Variants in C7orf57 observed in about 807,000 individuals in gnomAD.
The protein encoded by C7orf57 is uncharacterized protein C7orf57.
In C7orf57, 33 loss-of-function variants were observed where a neutral mutation model predicts 39.0. The ratio of observed to expected loss-of-function variants is 0.85; its 90% CI spans 0.64 to 1.13. The LOEUF (loss-of-function observed/expected upper bound fraction) is 1.13. C7orf57 is among the 50% of genes most tolerant of loss of function. C7orf57 has a pLI of 0.00. For missense variants in C7orf57, 346 were observed against 362.3 expected (o/e 0.95, Z 0.37); for synonymous variants, 124 against 137.1 (o/e 0.90, Z 0.67).
chr7:48,055,244 C>T (rs1724140600), intron 8 of C7orf57, among the ~76,000 whole-genome samples: 2 of 152,146 alleles, frequency 1.3e-5, no homozygotes, highest in South Asian at 2.1e-4. Flanking sequence ...TTGTATTACT[C>T]GTCATGTGAG....
chr7:48,060,099 G>T (rs1254657026), intron 8 of C7orf57, 127 bp from the exon 9 acceptor site: 1 of 547,346 alleles, frequency 1.8e-6, no homozygotes, highest in Non-Finnish European at 3.1e-6. Context: ...CAATTTTTAT[G>T]TAGACTTCAG....
At chr7:48,051,817 C>CTCTTTCTTTCTTTCTTTCTTTCTTTCTT (rs199558027) in intron 6 of C7orf57, among the ~76,000 whole-genome samples, 1 of 51,150 alleles carries the variant, frequency 2.0e-5, no homozygotes, top group Non-Finnish European at 4.1e-5. Flanking sequence ...CTTTTCTCTT[C>CTCTTTCTTTCTTTCTTTCTTTCTTTCTT]TCTTTCTTTC....
chr7:48,046,571 A>G lies in C7orf57; in HGVS notation c.462A>G (p.Thr154=), dbSNP rs2128793740. ...RRGPFDFDMK[T]VWQREAEELE... is the part of the protein sequence containing the mutation. ...GGCCCTTCGACTTCGACATGAAAAC[A>G]GTTTGGCAAAGAGAGGCTGAGGAAC... Residue 154 remains threonine (T), a synonymous_variant, in exon 5 of 9, where the codon ACA becomes ACG. Transcript: ENST00000348904. The G allele has an allele frequency of 6.2e-7, 1 of 1,613,832 alleles. No homozygotes were observed. The highest frequency in any genetic ancestry group is 8.5e-7 in the Non-Finnish European group (1 of 1,179,786).
At chr7:48,052,171 A>T (rs1790972711) in intron 6 of C7orf57, among the ~76,000 whole-genome samples, 1 of 151,858 alleles carries the variant, frequency 6.6e-6, no homozygotes, top group African/African-American at 2.4e-5. Context: ...ACGGGGTTTC[A>T]CCAGGTTGAC....
chr7:48,044,508 C>T (rs1790657250), intron 4 of C7orf57, among the ~76,000 whole-genome samples: 1 of 152,130 alleles, frequency 6.6e-6, no homozygotes, highest in Non-Finnish European at 1.5e-5. Flanking sequence ...CTCTTTACTA[C>T]CTGATTGGTC....
At chr7:48,052,416 A>G (rs1790982343) in intron 6 of C7orf57, among the ~76,000 whole-genome samples, 1 of 152,160 alleles carries the variant, frequency 6.6e-6, no homozygotes, top group South Asian at 2.1e-4. Context: ...ACAAAGAAAG[A>G]TTTTGGAAGC....
chr7:48,042,258 G>A (rs1562623889), intron 3 of C7orf57, among the ~76,000 whole-genome samples: 1 of 152,230 alleles, frequency 6.6e-6, no homozygotes, highest in Non-Finnish European at 1.5e-5. Flanking sequence ...TGGACTAGGT[G>A]TGATGCTCAG....
Position 48,043,512 on chromosome 7 carries a change from GA to G in C7orf57, c.276del (p.Gly93AlafsTer60). 2 of 1,613,836 alleles carry G rather than the reference GA, an allele frequency of 1.2e-6. No homozygotes were observed. The highest frequency in any genetic ancestry group is 1.7e-6 in the Non-Finnish European group (2 of 1,179,852). ...LLKHFAPGTR[K>X]GSPVAYSLPD... Reference sequence around the variant, plus strand: ...TGAAGCACTTTGCCCCTGGAACCAGGAAAGGCTCTCCAGTGGCCTACTCCCT... The same window carrying G: ...TGAAGCACTTTGCCCCTGGAACCAGGAAGGCTCTCCAGTGGCCTACTCCCT... On this transcript the variant is annotated frameshift_variant, in exon 4 of 9. Coordinates refer to ENST00000348904, the MANE Select transcript of C7orf57 (RefSeq NM_001100159.3). LOFTEE classifies it high-confidence loss of function.
intron 8 of C7orf57, among the ~76,000 whole-genome samples, chr7:48,054,870 T>TGATG (rs1351146822): frequency 0.012 from 1,715 of 148,764 alleles, 22 homozygotes; most frequent in African/African-American, 0.037. Context: ...TGATGATGAT[T>TGATG]ATTATTATTA....
intron 1 of C7orf57, 37 bp from the exon 2 acceptor site, chr7:48,036,171 C>A: frequency 2.3e-6 from 2 of 860,954 alleles, no homozygotes; most frequent in Admixed American, 2.0e-5. Flanking sequence ...GGCGTACAGA[C>A]CGACCCAGAG....
chr7:48,038,395 G>T (rs13308766), intron 2 of C7orf57, among the ~76,000 whole-genome samples: 24 of 107,342 alleles, frequency 2.2e-4, no homozygotes, highest in African/African-American at 3.4e-4. Flanking sequence ...TAGATAGATA[G>T]ATAGATAGAT....
chr7:48,037,488 C>T (rs368861894), intron 2 of C7orf57, among the ~76,000 whole-genome samples: 269 of 152,236 alleles, frequency 1.8e-3, no homozygotes, highest in Non-Finnish European at 3.4e-3. Flanking sequence ...TGTGCCCCTG[C>T]GGGTATGTGA....
Position 48,060,415 on chromosome 7 carries a change from T to C in C7orf57, c.*143T>C. The stretch of plus-strand genomic sequence containing the variant: ...AATTTACCTTGCAGCAGATTTGACA[T>C]TGCTGCATAGAAGGGGCAGGTGTTG... On this transcript the variant is annotated 3_prime_UTR_variant, in exon 9 of 9. Coordinates refer to ENST00000348904, the MANE Select transcript of C7orf57 (RefSeq NM_001100159.3). The C allele has an allele frequency of 1.8e-6, 1 of 541,750 alleles. No homozygotes were observed. The highest frequency in any genetic ancestry group is 3.3e-6 in the Non-Finnish European group (1 of 306,072). The allele number at this position is 541,750 out of a possible 1,614,324, so 33.6% of individuals were successfully genotyped here.
chr7:48,043,891 CGGGCTGCTTCCAAGATGGTGGT>C (rs991677664), intron 4 of C7orf57, among the ~76,000 whole-genome samples: 1 of 151,810 alleles, frequency 6.6e-6, no homozygotes, highest in Non-Finnish European at 1.5e-5. Context: ...AAGATGGTGG[CGGGCTGCTTCCAAGATGGTGGT>C]GGGCTGCTCT....
intron 2 of C7orf57, 151 bp from the exon 3 acceptor site, chr7:48,041,183 C>A: frequency 1.7e-6 from 1 of 602,402 alleles, no homozygotes; most frequent in Non-Finnish European, 2.7e-6. Flanking sequence ...GTCAGTAACC[C>A]AAAAGAGGGC....
intron 2 of C7orf57, among the ~76,000 whole-genome samples, chr7:48,040,631 G>C (rs1790520404): frequency 6.6e-6 from 1 of 152,108 alleles, no homozygotes. Flanking sequence ...GAGGGAGAGT[G>C]ATAAGGTGAG....
In C7orf57 at chr7:48,035,627, G is replaced by T. The variant is rs1790326941; in HGVS notation, c.-105G>T. ...CAGCACCCACGGAGACCCGCGGGGAGCTGGTGAGCCTGAGCGGGCTGGAGG... is the reference window on the plus strand; with the variant it reads ...CAGCACCCACGGAGACCCGCGGGGATCTGGTGAGCCTGAGCGGGCTGGAGG... On this transcript the variant is annotated 5_prime_UTR_variant, in exon 1 of 9. Coordinates refer to ENST00000348904, the MANE Select transcript of C7orf57 (RefSeq NM_001100159.3). This position sits in a 1 kb window ranked among gnomAD's most constrained non-coding sequence, Gnocchi z 4.0. The T allele has an allele frequency of 1.5e-6, 1 of 686,968 alleles. No individual in the cohort carries two copies. Among genetic ancestry groups the T allele is most frequent in the Non-Finnish European group, 2.6e-6 (1 of 377,628 alleles). The allele number at this position is 686,968 out of a possible 1,614,324, so 42.6% of individuals were successfully genotyped here.
chr7:48,050,125 C>T (rs893237183), intron 6 of C7orf57, 148 bp downstream of exon 6: 1 of 640,730 alleles, frequency 1.6e-6, no homozygotes, highest in Non-Finnish European at 2.8e-6. Flanking sequence ...CCTGTCGCCT[C>T]CTCACTGTGG....
At chr7:48,059,288 A>T (rs1388436092) in intron 8 of C7orf57, among the ~76,000 whole-genome samples, 1 of 152,106 alleles carries the variant, frequency 6.6e-6, no homozygotes, top group South Asian at 2.1e-4. Context: ...TTTCCTTCCA[A>T]CTAGACATCT....
Sources: gnomAD v4.1 joint callset for allele counts (sites outside exome capture counted in the v4.1 genomes callset) on GRCh38, gnomAD v4.1.1 for gene constraint, Gnocchi (gnomAD v3.1) non-coding constraint, MANE v1.5 for transcripts, NCBI Gene and HGNC (gene_info 2026-07-23, HGNC 2026-07-21) for gene names.